DUSP29: variants seen among roughly 807,000 people sequenced by gnomAD.
DUSP29 encodes dual specificity phosphatase 29, also known as atypical dual-specific protein phosphatase.
A neutral mutation model predicts 13.5 loss-of-function variants in DUSP29; 12 were observed. The ratio of observed to expected loss-of-function variants is 0.89; its 90% confidence interval spans 0.57 to 1.44. DUSP29 has a LOEUF of 1.44. DUSP29 is among the 40% of genes most tolerant of loss of function. The pLI is 0.00. For synonymous variants in DUSP29, 134 were observed against 128.7 expected (o/e 1.04, Z -0.28); for missense variants, 308 against 301.1 (o/e 1.02, Z -0.17).
Position 75,058,419 on chromosome 10 carries a change from GTCC to G in DUSP29, c.93_95del (p.Glu31del), listed in dbSNP as rs755580263. The G allele has an allele frequency of 1.9e-6, 3 of 1,614,222 alleles. No homozygotes were observed. Among genetic ancestry groups the G allele is most frequent in the Middle Eastern group, 3.3e-4 (2 of 6,062 alleles). The stretch of plus-strand genomic sequence containing the variant: ...GCTCAAAGGCTCCAGGGGTGCAGTA[GTCC>G]TCCTCCTCCCCTTCCTCCTCCATCT... On this transcript the variant is annotated inframe_deletion, in exon 2 of 4. Transcript: ENST00000338487.
chr10:75,067,489 A>G (rs538816011), intron 1 of DUSP29, among the ~76,000 whole-genome samples: 16 of 152,222 alleles, frequency 1.1e-4, no homozygotes, highest in African/African-American at 3.8e-4. Flanking sequence ...CTCAGCTGAC[A>G]TGGGGGTGCT....
At chr10:75,055,547 A>C (rs1308300016) in intron 2 of DUSP29, among the ~76,000 whole-genome samples, 1 of 152,208 alleles carries the variant, frequency 6.6e-6, no homozygotes, top group East Asian at 1.9e-4. Flanking sequence ...AATCTATAAA[A>C]ACAGAAAGTA....
At position 75,037,687 on chromosome 10, in the gene DUSP29, G is replaced by C; in HGVS notation, c.*149C>G. 7.3e-7 allele frequency: 1 copy of C among 1,369,028 alleles called. No individual in the cohort carries two copies. Among genetic ancestry groups the C allele is most frequent in the South Asian group, 1.4e-5 (1 of 70,034 alleles). 84.8% of individuals were successfully genotyped at this position (1,369,028 alleles called of 1,614,324 possible). A position where few individuals can be genotyped will look rare whatever the true frequency, so the allele number is the denominator to read the frequency against. On this transcript the variant is annotated 3_prime_UTR_variant, in exon 4 of 4. Coordinates refer to ENST00000338487, the MANE Select transcript of DUSP29 (RefSeq NM_001003892.3). ...CCGGGGGCAGCTCTGGGTCCTCCCTGTCCCCAGCACACATGGGGAAGTTGA... is the reference window on the plus strand; with the variant it reads ...CCGGGGGCAGCTCTGGGTCCTCCCTCTCCCCAGCACACATGGGGAAGTTGA...
chr10:75,058,908 G>A (rs1001997155), intron 1 of DUSP29, among the ~76,000 whole-genome samples: 3 of 152,302 alleles, frequency 2.0e-5, no homozygotes, highest in South Asian at 2.1e-4. Flanking sequence ...GAAACCTACT[G>A]GTTTGGGCCA....
chr10:75,051,911 C>G (rs564391714), intron 2 of DUSP29, among the ~76,000 whole-genome samples: 1 of 152,232 alleles, frequency 6.6e-6, no homozygotes, highest in Non-Finnish European at 1.5e-5. Context: ...CTGTGAGTCT[C>G]ATTAACCTTG....
At chr10:75,066,971 T>TTC (rs1847217668) in intron 1 of DUSP29, among the ~76,000 whole-genome samples, 1 of 150,958 alleles carries the variant, frequency 6.6e-6, no homozygotes, top group South Asian at 2.1e-4. Context: ...TTTTTTTTTT[T>TTC]CTTTGAGACA....
intron 2 of DUSP29, among the ~76,000 whole-genome samples, chr10:75,045,561 G>A (rs780288353): frequency 6.6e-6 from 1 of 152,220 alleles, no homozygotes; most frequent in Admixed American, 6.5e-5. Flanking sequence ...GGGAGGTGGT[G>A]TTTAAGCCAA....
chr10:75,065,342 T>C (rs534635463), intron 1 of DUSP29, among the ~76,000 whole-genome samples: 172 of 152,074 alleles, frequency 1.1e-3, no homozygotes, highest in African/African-American at 4.0e-3. Context: ...AATGAGAGCA[T>C]GTGTCAGGAA....
chr10:75,042,896 A>G (rs1846615267), intron 3 of DUSP29, among the ~76,000 whole-genome samples: 1 of 152,228 alleles, frequency 6.6e-6, no homozygotes, highest in Non-Finnish European at 1.5e-5. Context: ...CAGATTAGGG[A>G]GCTGAAGTCC....
intron 2 of DUSP29, among the ~76,000 whole-genome samples, chr10:75,048,419 G>GTC: frequency 6.8e-6 from 1 of 147,100 alleles, no homozygotes; most frequent in South Asian, 2.2e-4. Context: ...TTGAGACAGA[G>GTC]TCTCGCTCTG....
intron 1 of DUSP29, among the ~76,000 whole-genome samples, chr10:75,061,504 C>T (rs1038883011): frequency 6.6e-6 from 1 of 152,186 alleles, no homozygotes; most frequent in Non-Finnish European, 1.5e-5. Flanking sequence ...TACAGATATC[C>T]GGGCTGCACC....
chr10:75,058,637 T>C, intron 1 of DUSP29, 89 bp from the exon 2 acceptor site: 1 of 1,154,440 alleles, frequency 8.7e-7, no homozygotes, highest in Non-Finnish European at 1.2e-6. Flanking sequence ...AATAAGCTTA[T>C]CTTAAAATTT....
intron 1 of DUSP29, among the ~76,000 whole-genome samples, chr10:75,059,476 C>T (rs1847040612): frequency 6.6e-6 from 1 of 152,152 alleles, no homozygotes; most frequent in Non-Finnish European, 1.5e-5. Flanking sequence ...TTGACAAATA[C>T]TTATATAACA....
Position 75,043,821 on chromosome 10 carries a change from C to A in DUSP29, c.397G>T (p.Asp133Tyr). 2 of 1,613,592 alleles carry A rather than the reference C, an allele frequency of 1.2e-6. No homozygotes were observed. The highest frequency in any genetic ancestry group is 2.2e-5 in the South Asian group (2 of 91,072). ...CTGTGGTCGTCGCTTAGCGCTCTGTCGATGAAGGCTGCCGCCGGGTAGAAG... is the reference window on the plus strand; with the variant it reads ...CTGTGGTCGTCGCTTAGCGCTCTGTAGATGAAGGCTGCCGCCGGGTAGAAG... The part of the protein sequence containing the change: ...VFFYPAAAFI[D>Y]RALSDDHSKI... Residue 133 changes from aspartate (D) to tyrosine (Y), a missense_variant, in exon 3 of 4, where the codon GAC becomes TAC. Asp to Tyr is a radical substitution (Grantham distance 160, BLOSUM62 -3). Transcript: ENST00000338487.
intron 2 of DUSP29, among the ~76,000 whole-genome samples, chr10:75,057,197 C>T (rs1021887626): frequency 1.3e-5 from 2 of 151,996 alleles, no homozygotes; most frequent in African/African-American, 4.8e-5. Context: ...TTGCTTGAAC[C>T]CAGGAGGCAG....
intron 1 of DUSP29, among the ~76,000 whole-genome samples, chr10:75,062,457 G>A (rs181015384): frequency 5.4e-4 from 82 of 152,248 alleles, no homozygotes; most frequent in East Asian, 1.2e-3. Context: ...AACCATCCCC[G>A]TCTCCATCTC....
intron 1 of DUSP29, among the ~76,000 whole-genome samples, chr10:75,068,434 G>GC (rs1384893822): frequency 2.0e-5 from 3 of 152,214 alleles, no homozygotes; most frequent in African/African-American, 7.2e-5. Flanking sequence ...CTATGATCAT[G>GC]CCACTGCACT....
At chr10:75,071,968 C>T (rs569020378) in intron 1 of DUSP29, among the ~76,000 whole-genome samples, 34 of 152,308 alleles carry the variant, frequency 2.2e-4, no homozygotes, top group African/African-American at 7.7e-4. Context: ...CATTGACAAG[C>T]GGAATGATGC....
At chr10:75,043,566 A>G (rs1589857015) in intron 3 of DUSP29, among the ~76,000 whole-genome samples, 1 of 151,788 alleles carries the variant, frequency 6.6e-6, no homozygotes, top group Non-Finnish European at 1.5e-5. Context: ...TCGGACCTTT[A>G]CCCTCGGCCA....
Sources: gnomAD v4.1 joint callset for allele counts (sites outside exome capture counted in the v4.1 genomes callset) on GRCh38, gnomAD v4.1.1 for gene constraint, MANE v1.5 for transcripts, NCBI Gene and HGNC (gene_info 2026-07-23, HGNC 2026-07-21) for gene names.